The following SNTB1 variants were observed in gnomAD, a reference collection of about 807,000 sequenced individuals.
SNTB1 encodes the protein syntrophin beta 1.
A neutral mutation model predicts 48.9 loss-of-function variants in SNTB1; 36 were observed. The observed-to-expected ratio is 0.74, with a 90% CI of 0.56 to 0.97. The LOEUF is 0.97. Ranked by LOEUF, SNTB1 falls within the 50% of genes least tolerant of loss-of-function variation. The pLI is 0.00. For missense variants in SNTB1, 786 were observed against 703.4 expected, an observed-to-expected ratio of 1.12 and a Z score of -1.33; for synonymous variants, 299 against 294.6, an observed-to-expected ratio of 1.01 and a Z score of -0.15.
In SNTB1 at chr8:120,575,184, A is replaced by G; in HGVS notation, c.1038T>C (p.Val346=). ...TTAAAAGGTCTTTCTCAGTCAGCAC[A>G]ACCAGGGCTGGTTTCCACTGTTTCT... The part of the protein sequence containing the change: ...ESKKQWKPAL[V]VLTEKDLLIY... The change falls in exon 4 of 7, where the codon GTT becomes GTC. Residue 346 remains valine (V), a synonymous_variant. Transcript: ENST00000517992. 1 of 1,614,136 alleles carries G rather than the reference A, an allele frequency of 6.2e-7. No homozygotes were observed. Among genetic ancestry groups the G allele is most frequent in the Non-Finnish European group, 8.5e-7 (1 of 1,180,010 alleles).
intron 1 of SNTB1, among the ~76,000 whole-genome samples, chr8:120,754,005 C>G (rs1302630930): frequency 5.9e-5 from 9 of 152,110 alleles, no homozygotes. Flanking sequence ...AGTATGATGC[C>G]TACTTACATC....
chr8:120,724,830 A>G (rs1818725597), intron 1 of SNTB1, among the ~76,000 whole-genome samples: 1 of 152,188 alleles, frequency 6.6e-6, no homozygotes, highest in South Asian at 2.1e-4. Context: ...TAGAGGGGCC[A>G]TGGAAGACTG....
intron 1 of SNTB1, among the ~76,000 whole-genome samples, chr8:120,717,300 C>A (rs1818575813): frequency 6.6e-6 from 1 of 152,206 alleles, no homozygotes; most frequent in East Asian, 1.9e-4. Context: ...GTCTGTGGTG[C>A]AGCCCATTGA....
intron 2 of SNTB1, among the ~76,000 whole-genome samples, chr8:120,653,049 T>C (rs1817434134): frequency 6.6e-6 from 1 of 152,138 alleles, no homozygotes; most frequent in African/African-American, 2.4e-5. Context: ...CTGGCGTGTG[T>C]CATGTGCTGT....
At position 120,722,992 on chromosome 8, in the gene SNTB1, T is replaced by G. The variant is rs112561790; in HGVS notation, c.572-29084A>C. On this transcript the variant is annotated intron_variant, in intron 1 of 6. Coordinates refer to ENST00000517992, the MANE Select transcript of SNTB1 (RefSeq NM_021021.4). ...GGTTTCTACATATGGCTAGACAGTTTTCCCAGCATCATTTATTTAATAGGG... is the reference window on the plus strand; with the variant it reads ...GGTTTCTACATATGGCTAGACAGTTGTCCCAGCATCATTTATTTAATAGGG... Among the ~76,000 whole-genome samples the G allele has an allele frequency of 5.7e-3, 868 of 152,292 alleles. 8 individuals carry two copies. The highest frequency in any genetic ancestry group is 0.031 in the Middle Eastern group (9 of 294).
At chr8:120,667,194 C>T (rs1283882974) in intron 2 of SNTB1, among the ~76,000 whole-genome samples, 4 of 135,994 alleles carry the variant, frequency 2.9e-5, no homozygotes, top group Non-Finnish European at 6.4e-5. Context: ...CATCATAGTT[C>T]ACTGCAGCCT....
At chr8:120,783,700 C>T (rs953686371) in intron 1 of SNTB1, among the ~76,000 whole-genome samples, 1 of 152,174 alleles carries the variant, frequency 6.6e-6, no homozygotes, top group Non-Finnish European at 1.5e-5. Context: ...GAAGAACAAT[C>T]AGTAAACTCT....
intron 4 of SNTB1, among the ~76,000 whole-genome samples, chr8:120,554,080 A>T (rs1056759416): frequency 6.6e-6 from 1 of 152,172 alleles, no homozygotes; most frequent in African/African-American, 2.4e-5. Context: ...TTATTATGAC[A>T]TTAGTGAGAA....
intron 3 of SNTB1, among the ~76,000 whole-genome samples, chr8:120,601,191 T>C (rs1816416291): frequency 6.6e-6 from 1 of 151,912 alleles, no homozygotes; most frequent in South Asian, 2.1e-4. Context: ...CAAAGAGATT[T>C]GCTATTCCTG....
At chr8:120,570,207 C>T (rs1815821370) in intron 4 of SNTB1, 1 of 152,176 alleles carries the variant, frequency 6.6e-6, no homozygotes, top group Non-Finnish European at 1.5e-5. Context: ...CTTCCTGTAG[C>T]TAAGTACTTT....
intron 2 of SNTB1, among the ~76,000 whole-genome samples, chr8:120,668,869 G>A (rs1446699171): frequency 2.6e-5 from 4 of 152,180 alleles, no homozygotes; most frequent in Non-Finnish European, 4.4e-5. Context: ...ACTTTATGCC[G>A]ATGAGCTGTT....
Position 120,562,227 on chromosome 8 carries a change from A to AG in SNTB1, c.1136+12858_1136+12859insC, listed in dbSNP as rs571638192. Among the ~76,000 whole-genome samples the AG allele has an allele frequency of 8.5e-5, 13 of 152,312 alleles. No homozygotes were observed. In the South Asian group the frequency reaches 1.5e-3, roughly 17 times the overall value. ...GCTTAATATTTACATATGCTATCTC[A>AG]ATCAGTCCTATCAATCACTGTATAA... On this transcript the variant is annotated intron_variant, in intron 4 of 6. Coordinates refer to ENST00000517992, the MANE Select transcript of SNTB1 (RefSeq NM_021021.4).
In SNTB1 at chr8:120,654,173, T is replaced by C. The variant is rs527242489; in HGVS notation, c.789-21522A>G. ...TGATGTAAGGAACATACATAAAGCATGCTGGCCCAGGGTAGGTCTCCACTC... is the reference window on the plus strand; with the variant it reads ...TGATGTAAGGAACATACATAAAGCACGCTGGCCCAGGGTAGGTCTCCACTC... On this transcript the variant is annotated intron_variant, in intron 2 of 6. Coordinates refer to ENST00000517992, the MANE Select transcript of SNTB1 (RefSeq NM_021021.4). Among the ~76,000 whole-genome samples the C allele has an allele frequency of 8.8e-5, 13 of 147,810 alleles. No individual in the cohort carries two copies. In the South Asian group the frequency reaches 2.9e-3, roughly 32 times the overall value.
At chr8:120,744,175 G>A (rs138191334) in intron 1 of SNTB1, among the ~76,000 whole-genome samples, 20 of 150,698 alleles carry the variant, frequency 1.3e-4, no homozygotes, top group African/African-American at 4.4e-4. Context: ...ATGGGATGGG[G>A]AAATTCAGGT....
intron 3 of SNTB1, among the ~76,000 whole-genome samples, chr8:120,622,254 C>A (rs1454707973): frequency 3.3e-5 from 5 of 152,252 alleles, no homozygotes; most frequent in Middle Eastern, 3.4e-3. Flanking sequence ...TGATGCAGCC[C>A]ATATGTAGAT....
chr8:120,541,518 G>A (rs1002787895), intron 6 of SNTB1, among the ~76,000 whole-genome samples: 6 of 152,158 alleles, frequency 3.9e-5, no homozygotes, highest in African/African-American at 1.4e-4. Flanking sequence ...CAAAACTGCA[G>A]GGTACGTTTT....
intron 1 of SNTB1, among the ~76,000 whole-genome samples, chr8:120,745,016 T>C (rs1819103020): frequency 6.6e-6 from 1 of 152,126 alleles, no homozygotes; most frequent in Admixed American, 6.5e-5. Context: ...CTCTGTGGGC[T>C]TCATTAACCA....
intron 3 of SNTB1, among the ~76,000 whole-genome samples, chr8:120,613,141 G>T (rs935479752): frequency 6.6e-6 from 1 of 152,116 alleles, no homozygotes; most frequent in African/African-American, 2.4e-5. Context: ...GCTGAGGCCA[G>T]GAGTTCAAAA....
At chr8:120,700,421 A>G (rs1818290692) in intron 1 of SNTB1, among the ~76,000 whole-genome samples, 1 of 152,198 alleles carries the variant, frequency 6.6e-6, no homozygotes, top group African/African-American at 2.4e-5. Flanking sequence ...ACCGGCAGTA[A>G]TTTCAGGCAA....
Sources: gnomAD v4.1 joint callset for allele counts (sites outside exome capture counted in the v4.1 genomes callset) on GRCh38, gnomAD v4.1.1 for gene constraint, MANE v1.5 for transcripts, NCBI Gene and HGNC (gene_info 2026-07-23, HGNC 2026-07-21) for gene names.